Variants in CSGALNACT1 observed in about 807,000 individuals in gnomAD.
The protein encoded by CSGALNACT1 is chondroitin sulfate N-acetylgalactosaminyltransferase 1, also known as beta4GalNAcT-1.
In CSGALNACT1, 52 loss-of-function variants were observed where a neutral mutation model predicts 51.0. The ratio of observed to expected loss-of-function variants is 1.02; its 90% confidence interval spans 0.82 to 1.29. The LOEUF is 1.29. Among genes scored for constraint, CSGALNACT1 ranks in the 50% most tolerant of loss-of-function variants. CSGALNACT1 has a pLI of 0.00. For missense variants in CSGALNACT1, 935 were observed against 679.2 expected (o/e 1.38, Z -4.19); for synonymous variants, 341 against 254.4 (o/e 1.34, Z -3.24).
intron 6 of CSGALNACT1, among the ~76,000 whole-genome samples, chr8:19,425,540 A>T (rs993328773): frequency 6.6e-6 from 1 of 152,118 alleles, no homozygotes; most frequent in Non-Finnish European, 1.5e-5. Context: ...TTTGCATGTA[A>T]AACAGAGAAT....
chr8:19,425,666 A>T (rs1224334566), intron 6 of CSGALNACT1, among the ~76,000 whole-genome samples: 1 of 152,132 alleles, frequency 6.6e-6, no homozygotes, highest in African/African-American at 2.4e-5. Context: ...CAGAGGTTGC[A>T]GATGCTCCTG....
At chr8:19,432,943 T>C (rs2059853485) in intron 6 of CSGALNACT1, among the ~76,000 whole-genome samples, 1 of 152,212 alleles carries the variant, frequency 6.6e-6, no homozygotes, top group Admixed American at 6.5e-5. Context: ...TAAGGACAAG[T>C]TCTAATGACC....
At chr8:19,750,296 T>G (rs2064950277) in intron 1 of CSGALNACT1, among the ~76,000 whole-genome samples, 1 of 152,186 alleles carries the variant, frequency 6.6e-6, no homozygotes, top group Non-Finnish European at 1.5e-5. Flanking sequence ...GACCCTACAC[T>G]GCTGTCAGGT....
At chr8:19,656,290 T>G (rs996170170) in intron 1 of CSGALNACT1, among the ~76,000 whole-genome samples, 1 of 152,196 alleles carries the variant, frequency 6.6e-6, no homozygotes, top group African/African-American at 2.4e-5. Flanking sequence ...GGGAAAAAGA[T>G]CTATCCTAAA....
chr8:19,430,576 T>C (rs988307342), intron 6 of CSGALNACT1, among the ~76,000 whole-genome samples: 11 of 152,218 alleles, frequency 7.2e-5, no homozygotes, highest in African/African-American at 2.4e-4. Flanking sequence ...TATATTTTTA[T>C]AGCAGTAGCA....
At chr8:19,468,567 C>T (rs1398465254) in intron 4 of CSGALNACT1, among the ~76,000 whole-genome samples, 1 of 151,850 alleles carries the variant, frequency 6.6e-6, no homozygotes, top group East Asian at 1.9e-4. Flanking sequence ...CAGAGAGCAA[C>T]AAGGAAAGAA....
chr8:19,423,248 A>G (rs2058229633), intron 6 of CSGALNACT1, among the ~76,000 whole-genome samples: 1 of 152,234 alleles, frequency 6.6e-6, no homozygotes, highest in Admixed American at 6.5e-5. Context: ...CCTACAGTCC[A>G]TTTGTATAGA....
At chr8:19,668,592 T>G (rs1384279456) in intron 1 of CSGALNACT1, among the ~76,000 whole-genome samples, 1 of 152,300 alleles carries the variant, frequency 6.6e-6, no homozygotes, top group African/African-American at 2.4e-5. Flanking sequence ...TCTTGCTCTG[T>G]CACACAGGTT....
chr8:19,564,787 T>C (rs1286473892), intron 3 of CSGALNACT1, among the ~76,000 whole-genome samples: 2 of 152,214 alleles, frequency 1.3e-5, no homozygotes, highest in African/African-American at 4.8e-5. Flanking sequence ...AGTATTTCTG[T>C]GGTTTTTTAA....
intron 1 of CSGALNACT1, among the ~76,000 whole-genome samples, chr8:19,652,605 A>G (rs986979521): frequency 2.6e-5 from 4 of 152,132 alleles, no homozygotes; most frequent in Admixed American, 2.6e-4. Context: ...ACCACAAAAC[A>G]TAATGAGCCC....
At chr8:19,472,926 T>C (rs528777917) in intron 4 of CSGALNACT1, among the ~76,000 whole-genome samples, 1 of 152,248 alleles carries the variant, frequency 6.6e-6, no homozygotes, top group Non-Finnish European at 1.5e-5. Context: ...TCATGCCTGA[T>C]ACATAGGAAG....
intron 1 of CSGALNACT1, among the ~76,000 whole-genome samples, chr8:19,613,417 G>T (rs2052578867): frequency 6.6e-6 from 1 of 152,124 alleles, no homozygotes; most frequent in African/African-American, 2.4e-5. Context: ...GCACAGACCG[G>T]TTTTCTTTGG....
At chr8:19,603,485 T>C (rs2050876880), upstream of CSGALNACT1, among the ~76,000 whole-genome samples, 1 of 152,170 alleles carries the variant, frequency 6.6e-6, no homozygotes, top group Non-Finnish European at 1.5e-5. Context: ...GCCTGGCCAA[T>C]CAATCTATGT....
chr8:19,461,622 G>T (rs1261973214), intron 4 of CSGALNACT1, among the ~76,000 whole-genome samples: 24 of 100,962 alleles, frequency 2.4e-4, no homozygotes, highest in African/African-American at 4.5e-4. Context: ...TCACCATGGG[G>T]GGCGTATCCG....
At chr8:19,438,720 A>G (rs557996675) in intron 6 of CSGALNACT1, among the ~76,000 whole-genome samples, 2 of 152,230 alleles carry the variant, frequency 1.3e-5, no homozygotes, top group East Asian at 3.9e-4. Flanking sequence ...CCTGCATTCC[A>G]GTAAAACTTT....
intron 3 of CSGALNACT1, among the ~76,000 whole-genome samples, chr8:19,537,840 A>G (rs1274131084): frequency 2.6e-5 from 4 of 152,248 alleles, no homozygotes; most frequent in African/African-American, 9.6e-5. Context: ...AGAGTAGACA[A>G]AGTACTATTT....
At chr8:19,637,191 G>A (rs1589190900) in intron 1 of CSGALNACT1, among the ~76,000 whole-genome samples, 1 of 152,160 alleles carries the variant, frequency 6.6e-6, no homozygotes, top group Non-Finnish European at 1.5e-5. Flanking sequence ...GGGCGATAGA[G>A]ACTCCATCTC....
intron 3 of CSGALNACT1, among the ~76,000 whole-genome samples, chr8:19,576,551 C>T (rs1455197431): frequency 1.3e-5 from 2 of 151,928 alleles, no homozygotes; most frequent in African/African-American, 2.4e-5. Flanking sequence ...GTCACCTTCT[C>T]GGTGGTCATC....
intron 2 of CSGALNACT1, among the ~76,000 whole-genome samples, chr8:19,600,809 T>C (rs958372071): frequency 1.3e-5 from 2 of 150,564 alleles, no homozygotes; most frequent in Non-Finnish European, 2.9e-5. Flanking sequence ...TTTATCTTAA[T>C]AGTGTGACAA....
Sources: allele counts gnomAD v4.1 joint callset (sites outside exome capture counted in the v4.1 genomes callset), GRCh38; gene constraint gnomAD v4.1.1; transcripts MANE v1.5; gene names NCBI Gene and HGNC (gene_info 2026-07-23, HGNC 2026-07-21).